Variants in VSTM2L observed in about 807,000 individuals in gnomAD.
VSTM2L encodes V-set and transmembrane domain-containing protein 2-like protein.
In VSTM2L, 9 loss-of-function variants were observed where a neutral mutation model predicts 19.9. The observed-to-expected ratio is 0.45, with a 90% CI of 0.27 to 0.79. The LOEUF (loss-of-function observed/expected upper bound fraction) is 0.79, where lower values mean the gene tolerates loss of function less well. Ranked by LOEUF, VSTM2L falls within the 30% of genes least tolerant of loss-of-function variation. The pLI is 0.15. For synonymous variants in VSTM2L, 127 were observed against 133.8 expected (o/e 0.95, Z 0.35); for missense variants, 286 against 295.5 (o/e 0.97, Z 0.24).
chr20:37,915,353 G>T (rs776082677), intron 1 of VSTM2L, among the ~76,000 whole-genome samples: 40 of 152,122 alleles, frequency 2.6e-4, no homozygotes, highest in Non-Finnish European at 2.9e-5. Flanking sequence ...AACACTAAGC[G>T]CCAAGGTCCT....
chr20:37,944,476 G>GCCCT lies in VSTM2L; in HGVS notation c.*224_*227dup. 3 of 1,258,672 alleles carry GCCCT rather than the reference G, an allele frequency of 2.4e-6. No individual in the cohort carries two copies. The highest frequency in any genetic ancestry group is 3.1e-5 in the African/African-American group (2 of 65,018). 78.0% of individuals were successfully genotyped at this position (1,258,672 alleles called of 1,614,324 possible). ...GCGGTGACCTGGCTCGGAGAAGGTG[G>GCCCT]CCCTGGGCACCAAGGGGCCAACCGC... is the stretch of plus-strand genomic sequence containing the variant. On this transcript the variant is annotated 3_prime_UTR_variant, in exon 4 of 4. Transcript: ENST00000373461.
intron 2 of VSTM2L, among the ~76,000 whole-genome samples, chr20:37,933,047 A>G (rs1456620915): frequency 6.6e-6 from 1 of 152,234 alleles, no homozygotes; most frequent in Non-Finnish European, 1.5e-5. Context: ...CCTTAGGCAA[A>G]TCGTTGCAGG....
At chr20:37,936,409 C>A (rs2072940720) in intron 3 of VSTM2L, among the ~76,000 whole-genome samples, 1 of 152,174 alleles carries the variant, frequency 6.6e-6, no homozygotes, top group Admixed American at 6.5e-5. Context: ...CTAATTAGAT[C>A]TTTTGAAAAA....
At chr20:37,932,279 T>C (rs538972238) in intron 2 of VSTM2L, among the ~76,000 whole-genome samples, 1 of 152,242 alleles carries the variant, frequency 6.6e-6, no homozygotes, top group Non-Finnish European at 1.5e-5. Flanking sequence ...TGGCTGCACA[T>C]GTGCTCACCC....
intron 1 of VSTM2L, among the ~76,000 whole-genome samples, chr20:37,926,700 C>T (rs1416322204): frequency 2.0e-5 from 3 of 152,228 alleles, no homozygotes; most frequent in African/African-American, 7.2e-5. Context: ...ACTTGGGCGT[C>T]ACAGAGGGCT....
Position 37,944,112 on chromosome 20 carries a change from G to A in VSTM2L, c.474G>A (p.Lys158=), listed in dbSNP as rs146721357. ...GCAAGGCCCGGCACCACAAGGTCAA[G>A]GCCTACCTGCGGGTGCAGCCAGGGG... The part of the protein sequence containing the change: ...SDGKARHHKV[K]AYLRVQPGEN... Residue 158 remains lysine (K), a synonymous_variant, in exon 4 of 4, where the codon AAG becomes AAA. Transcript: ENST00000373461. 3.7e-3 allele frequency: 6,032 copies of A among 1,612,468 alleles called. 30 individuals carry two copies. The highest frequency in any genetic ancestry group is 0.014 in the Middle Eastern group (86 of 6,054).
chr20:37,903,892 GC>G (rs775963464), intron 1 of VSTM2L, among the ~76,000 whole-genome samples: 486 of 152,238 alleles, frequency 3.2e-3, no homozygotes, highest in Non-Finnish European at 5.6e-3. Flanking sequence ...CTGCCAGCTG[GC>G]GCACACGCTT....
At chr20:37,943,728 G>C (rs17725232) in intron 3 of VSTM2L, among the ~76,000 whole-genome samples, 15,563 of 152,114 alleles carry the variant, frequency 0.1, 909 homozygotes, top group Middle Eastern at 0.19. Flanking sequence ...TTCTAGCTCC[G>C]TCTTTCGGAC....
At position 37,944,937 on chromosome 20, in the gene VSTM2L, C is replaced by T. The variant is rs1393680850; in HGVS notation, c.*684C>T. 2 of 985,752 alleles carry T rather than the reference C, an allele frequency of 2.0e-6. No homozygotes were observed. The highest frequency in any genetic ancestry group is 1.1e-4 in the East Asian group (1 of 8,786). The allele number at this position is 985,752 out of a possible 1,614,324, so 61.1% of individuals were successfully genotyped here. A position where few individuals can be genotyped will look rare whatever the true frequency, so the allele number is the denominator to read the frequency against. ...CACACGGCGAGTCAGAAGGGAGGGG[C>T]CTTTCCCTCGGACCCATGGCCCCAG... On this transcript the variant is annotated 3_prime_UTR_variant, in exon 4 of 4. Coordinates refer to ENST00000373461, the MANE Select transcript of VSTM2L (RefSeq NM_080607.3).
chr20:37,933,620 C>A, intron 3 of VSTM2L, 31 bp downstream of exon 3: 1 of 1,612,240 alleles, frequency 6.2e-7, no homozygotes, highest in South Asian at 1.1e-5. Context: ...CTCGAAAGGG[C>A]TCTAATGGAG....
chr20:37,915,104 T>C (rs1333137943), intron 1 of VSTM2L, among the ~76,000 whole-genome samples: 1 of 152,108 alleles, frequency 6.6e-6, no homozygotes, highest in Non-Finnish European at 1.5e-5. Flanking sequence ...GAGCGCAGGA[T>C]AGTGGAAATA....
intron 1 of VSTM2L, among the ~76,000 whole-genome samples, chr20:37,919,408 G>A (rs1303751649): frequency 6.6e-6 from 1 of 152,236 alleles, no homozygotes; most frequent in African/African-American, 2.4e-5. Flanking sequence ...GTGCCTCCCT[G>A]GGGAGGAGAG....
rs779842082 is a variant in VSTM2L, at chr20:37,933,596, T to C, written c.342+7T>C. ...GGAGGCAACCAAAATAAGTGTGAGT[T>C]TTGATAATGACTTCTCGAAAGGGCT... On this transcript the variant is annotated splice_region_variant and intron_variant, in intron 3 of 3. Transcript: ENST00000373461. The C allele has an allele frequency of 2.2e-5, 35 of 1,613,762 alleles. No homozygotes were observed. The Admixed American group carries it at 4.2e-4, about 19-fold the overall frequency.
intron 1 of VSTM2L, among the ~76,000 whole-genome samples, chr20:37,918,764 G>A (rs2072834117): frequency 6.6e-6 from 1 of 152,156 alleles, no homozygotes; most frequent in African/African-American, 2.4e-5. Flanking sequence ...CTCTGACTGT[G>A]CAAACCTCAG....
chr20:37,931,586 C>T, intron 1 of VSTM2L, 49 bp from the exon 2 acceptor site: 2 of 1,576,506 alleles, frequency 1.3e-6, no homozygotes, highest in Non-Finnish European at 1.7e-6. Context: ...CACCCACTAG[C>T]CCCGTGGTTT....
At chr20:37,905,847 C>T (rs994647617) in intron 1 of VSTM2L, among the ~76,000 whole-genome samples, 4 of 152,230 alleles carry the variant, frequency 2.6e-5, no homozygotes, top group Non-Finnish European at 4.4e-5. Flanking sequence ...TAGTGAGACG[C>T]GGCGAATAAG....
At chr20:37,921,428 C>A (rs1600566276) in intron 1 of VSTM2L, among the ~76,000 whole-genome samples, 1 of 152,268 alleles carries the variant, frequency 6.6e-6, no homozygotes, top group East Asian at 1.9e-4. Flanking sequence ...CCCAGGCAGC[C>A]CGGAGTAGGG....
At chr20:37,929,257 G>A (rs113688885) in intron 1 of VSTM2L, among the ~76,000 whole-genome samples, 1,875 of 152,280 alleles carry the variant, frequency 0.012, 40 homozygotes, top group African/African-American at 0.043. Flanking sequence ...AAGGTCTTGA[G>A]GTGGAATCTC....
intron 1 of VSTM2L, among the ~76,000 whole-genome samples, chr20:37,911,484 G>A (rs1225822724): frequency 9.8e-5 from 15 of 152,352 alleles, no homozygotes; most frequent in South Asian, 4.1e-4. Context: ...ATAAAGATCC[G>A]TCACACGGCA....
Sources: gnomAD v4.1 joint callset for allele counts (sites outside exome capture counted in the v4.1 genomes callset) on GRCh38, gnomAD v4.1.1 for gene constraint, MANE v1.5 for transcripts, NCBI Gene and HGNC (gene_info 2026-07-23, HGNC 2026-07-21) for gene names.